The following NRG3 variants were observed in gnomAD, a reference collection of about 807,000 sequenced individuals.
NRG3 encodes pro-neuregulin-3, membrane-bound isoform.
NRG3 carries 31 observed loss-of-function variants against 66.9 expected under a neutral mutation model. The observed-to-expected ratio is 0.46, with a 90% CI of 0.35 to 0.63. NRG3 has a LOEUF of 0.63. NRG3 is among the 20% of genes least tolerant of loss of function. The pLI, the probability that NRG3 is intolerant of heterozygous loss-of-function variation, is 0.00. For missense variants in NRG3, 910 were observed against 878.9 expected, an observed-to-expected ratio of 1.04 and a Z score of -0.45; for synonymous variants, 393 against 359.4, an observed-to-expected ratio of 1.09 and a Z score of -1.06.
chr10:82,575,200 A>G (rs1452595878), intron 2 of NRG3, among the ~76,000 whole-genome samples: 1 of 151,788 alleles, frequency 6.6e-6, no homozygotes, highest in Non-Finnish European at 1.5e-5. Flanking sequence ...TTCATCTGTT[A>G]AAAATAGAAA....
chr10:82,959,181 A>C, intron 6 of NRG3, 106 bp downstream of exon 6: 1 of 1,306,058 alleles, frequency 7.7e-7, no homozygotes, highest in Non-Finnish European at 1.0e-6. Context: ...TCAGAGCTTT[A>C]TAGGGTTTTG....
At chr10:82,600,118 T>G (rs960385234) in intron 2 of NRG3, among the ~76,000 whole-genome samples, 2 of 152,176 alleles carry the variant, frequency 1.3e-5, no homozygotes, top group African/African-American at 4.8e-5. Context: ...TTTTGACTTG[T>G]GGATGGCATA....
At chr10:82,723,248 A>G (rs563491372) in intron 2 of NRG3, among the ~76,000 whole-genome samples, 1 of 152,306 alleles carries the variant, frequency 6.6e-6, no homozygotes, top group East Asian at 1.9e-4. Context: ...GCTCTCACCC[A>G]TGAAAACTGA....
chr10:82,304,983 CTTTTTTTTTTTTTTT>C (rs760661674), intron 1 of NRG3, among the ~76,000 whole-genome samples: 1 of 73,832 alleles, frequency 1.4e-5, no homozygotes, highest in Non-Finnish European at 2.4e-5. Flanking sequence ...TCAGATTCCT[CTTTTTTTTTTTTTTT>C]TTTTTTTTTT....
Position 82,750,352 on chromosome 10 carries a change from G to A in NRG3, c.1027+11702G>A, listed in dbSNP as rs563704267. On this transcript the variant is annotated intron_variant, in intron 3 of 8. Coordinates refer to ENST00000372141, the MANE Select transcript of NRG3 (RefSeq NM_001010848.4). The stretch of plus-strand genomic sequence containing the variant: ...TTATTTCTAATTTGGTACTACCAGC[G>A]TTTCAGTTTTTAATATAGTTTTAAA... Among the ~76,000 whole-genome samples, 8 of 152,168 alleles carry A rather than the reference G, an allele frequency of 5.3e-5. No individual in the cohort carries two copies. In the East Asian group the frequency reaches 5.8e-4, roughly 11 times the overall value.
chr10:82,984,830 G>T, intron 8 of NRG3: 1 of 1,538,260 alleles, frequency 6.5e-7, no homozygotes, highest in Non-Finnish European at 8.8e-7. Context: ...CAGCTGTGGT[G>T]TGTTGAAAGA....
intron 1 of NRG3, among the ~76,000 whole-genome samples, chr10:82,140,083 A>C (rs1350056648): frequency 6.6e-6 from 1 of 152,188 alleles, no homozygotes; most frequent in East Asian, 1.9e-4. Flanking sequence ...AATGTTCATC[A>C]GGCTAAGACA....
At chr10:82,541,390 G>A (rs991878456) in intron 2 of NRG3, among the ~76,000 whole-genome samples, 7 of 152,038 alleles carry the variant, frequency 4.6e-5, no homozygotes, top group African/African-American at 1.2e-4. Context: ...TGGGAGCATC[G>A]GCGGGCTCAC....
At position 82,639,790 on chromosome 10, in the gene NRG3, A is replaced by C. The variant is rs547625929; in HGVS notation, c.954-98787A>C. ...ATTTTTTTAATTTGACTTTTATTTA[A>C]GTTCAGGGGTACATATGAAGGTTTG... On this transcript the variant is annotated intron_variant, in intron 2 of 8. Coordinates refer to ENST00000372141, the MANE Select transcript of NRG3 (RefSeq NM_001010848.4). Among the ~76,000 whole-genome samples, 20 of 152,214 alleles carry C rather than the reference A, an allele frequency of 1.3e-4. No individual in the cohort carries two copies. The South Asian group carries it at 3.7e-3, about 28-fold the overall frequency.
intron 1 of NRG3, among the ~76,000 whole-genome samples, chr10:82,313,078 T>G (rs1251432491): frequency 3.3e-5 from 5 of 152,106 alleles, no homozygotes. Context: ...CTTGGGAGGC[T>G]GAGGTGGGAC....
intron 2 of NRG3, among the ~76,000 whole-genome samples, chr10:82,529,912 A>G (rs548598404): frequency 5.3e-5 from 8 of 152,214 alleles, no homozygotes; most frequent in Non-Finnish European, 1.0e-4. Context: ...AAACTGAAGT[A>G]GTTGCAAATG....
At chr10:82,118,753 G>A (rs1564579631) in intron 1 of NRG3, among the ~76,000 whole-genome samples, 1 of 152,008 alleles carries the variant, frequency 6.6e-6, no homozygotes, top group African/African-American at 2.4e-5. Context: ...AATAGATGTG[G>A]AAAGTTAATA....
chr10:82,875,468 C>CCATT (rs1303455935), intron 4 of NRG3, among the ~76,000 whole-genome samples: 4 of 152,088 alleles, frequency 2.6e-5, no homozygotes, highest in Admixed American at 2.6e-4. Context: ...AGTCTTCTTC[C>CCATT]CATTTTAACC....
At chr10:82,770,188 C>G (rs1239784112) in intron 3 of NRG3, among the ~76,000 whole-genome samples, 3 of 152,070 alleles carry the variant, frequency 2.0e-5, no homozygotes, top group African/African-American at 7.2e-5. Context: ...CATGACTATG[C>G]ATAGTATTTC....
At chr10:82,771,683 T>C (rs1308976759) in intron 3 of NRG3, among the ~76,000 whole-genome samples, 1 of 152,198 alleles carries the variant, frequency 6.6e-6, no homozygotes, top group African/African-American at 2.4e-5. Flanking sequence ...CAGTGCTAAG[T>C]CCTGGATGAG....
chr10:82,958,802 G>T, intron 5 of NRG3, 147 bp from the exon 6 acceptor site: 1 of 876,188 alleles, frequency 1.1e-6, no homozygotes, highest in Non-Finnish European at 1.7e-6. Context: ...TGGTGGGGTT[G>T]GAAATGAGAG....
chr10:81,876,410 C>A (rs933408460), intron 1 of NRG3, among the ~76,000 whole-genome samples: 1 of 152,078 alleles, frequency 6.6e-6, no homozygotes, highest in African/African-American at 2.4e-5. Context: ...CCCACTTTAG[C>A]GGGTCCCAAG....
chr10:82,957,899 T>C (rs920304967), intron 5 of NRG3, among the ~76,000 whole-genome samples: 1 of 151,496 alleles, frequency 6.6e-6, no homozygotes, highest in Non-Finnish European at 1.5e-5. Context: ...TGTGCGTGTG[T>C]GTGTGTGTGT....
At chr10:82,674,937 A>ATATTTATTTATTTATT (rs57484788) in intron 2 of NRG3, among the ~76,000 whole-genome samples, 43 of 143,708 alleles carry the variant, frequency 3.0e-4, no homozygotes, top group African/African-American at 9.7e-4. Flanking sequence ...GGTTTTATTT[A>ATATTTATTTATTTATT]TATTTATTTA....
Sources: allele counts gnomAD v4.1 joint callset (sites outside exome capture counted in the v4.1 genomes callset), GRCh38; gene constraint gnomAD v4.1.1; transcripts MANE v1.5; gene names NCBI Gene and HGNC (gene_info 2026-07-23, HGNC 2026-07-21).